The following COBLL1 variants were observed in gnomAD, a reference collection of about 807,000 sequenced individuals.
The protein encoded by COBLL1 is cordon-bleu WH2 repeat protein like 1.
In COBLL1, 50 loss-of-function variants were observed where a neutral mutation model predicts 94.8. The ratio of observed to expected loss-of-function variants is 0.53; its 90% CI spans 0.42 to 0.67. COBLL1 has a LOEUF of 0.67. Among genes scored for constraint, COBLL1 ranks in the 30% least tolerant of loss-of-function variants. COBLL1 has a pLI of 0.00. For missense variants in COBLL1, 1,362 were observed against 1,348.7 expected (o/e 1.01, Z -0.15); for synonymous variants, 448 against 473.8 (o/e 0.95, Z 0.71).
intron 2 of COBLL1, among the ~76,000 whole-genome samples, chr2:164,814,522 T>G (rs1684618771): frequency 6.6e-6 from 1 of 152,170 alleles, no homozygotes; most frequent in Admixed American, 6.5e-5. Context: ...TCAACTAAAA[T>G]TTTCCATATA....
chr2:164,816,033 A>G (rs1348232508), intron 2 of COBLL1, among the ~76,000 whole-genome samples: 3 of 152,164 alleles, frequency 2.0e-5, no homozygotes, highest in African/African-American at 7.2e-5. Flanking sequence ...GAAGTTTATA[A>G]TTTTGTGTAA....
At chr2:164,769,369 T>A (rs576171175) in intron 2 of COBLL1, among the ~76,000 whole-genome samples, 1 of 152,296 alleles carries the variant, frequency 6.6e-6, no homozygotes, top group Admixed American at 6.5e-5. Context: ...TAAACATCTA[T>A]ATTCCATGAA....
intron 3 of COBLL1, chr2:164,743,457 C>T: frequency 2.5e-6 from 1 of 400,074 alleles, no homozygotes; most frequent in Non-Finnish European, 4.5e-6. Flanking sequence ...GAAAGGGTTC[C>T]AAATTTCAAG....
At chr2:164,789,503 T>G (rs1683071032) in intron 2 of COBLL1, among the ~76,000 whole-genome samples, 1 of 152,138 alleles carries the variant, frequency 6.6e-6, no homozygotes, top group African/African-American at 2.4e-5. Flanking sequence ...GGAAGTGCAA[T>G]GTTTTTGAGG....
chr2:164,668,606 C>T (rs1439272594), intron 1 of COBLL1, among the ~76,000 whole-genome samples: 1 of 152,230 alleles, frequency 6.6e-6, no homozygotes, highest in Non-Finnish European at 1.5e-5. Context: ...AGGGTTGCCA[C>T]TAACATTCAA....
intron 3 of COBLL1, among the ~76,000 whole-genome samples, chr2:164,740,797 A>ATT (rs1686547698): frequency 6.6e-6 from 1 of 152,184 alleles, no homozygotes; most frequent in African/African-American, 2.4e-5. Context: ...TTAATCACTG[A>ATT]TTCTGGGGAG....
intron 3 of COBLL1, among the ~76,000 whole-genome samples, chr2:164,740,477 G>T (rs1247407533): frequency 1.3e-5 from 2 of 152,142 alleles, no homozygotes; most frequent in Non-Finnish European, 2.9e-5. Flanking sequence ...CTTGCTCTCT[G>T]CCTGGAGAAA....
intron 7 of COBLL1, among the ~76,000 whole-genome samples, chr2:164,711,693 T>G (rs1316675616): frequency 3.3e-5 from 5 of 152,320 alleles, no homozygotes; most frequent in African/African-American, 1.2e-4. Context: ...AAAGAACCAT[T>G]TATAACTGTC....
upstream of COBLL1, chr2:164,842,037 G>C (rs2279982): frequency 7.8e-6 from 12 of 1,534,746 alleles, no homozygotes; most frequent in African/African-American, 1.4e-5. Flanking sequence ...GGACCAGCTC[G>C]GCGGCATTGG....
intron 2 of COBLL1, among the ~76,000 whole-genome samples, chr2:164,779,059 T>C (rs1688610369): frequency 1.3e-5 from 2 of 152,132 alleles, no homozygotes; most frequent in South Asian, 4.1e-4. Flanking sequence ...ATTGGAAACA[T>C]GGTCTTTAAG....
rs545956967 is a variant in COBLL1, at chr2:164,736,577, T to C, written c.231-6462A>G. ...ATCTGGTTGTTTATCTTAGGTGTTA[T>C]ACTCAGAGCTAATTATAAATAATTA... On this transcript the variant is annotated intron_variant, in intron 3 of 13. Coordinates refer to ENST00000652658, the MANE Select transcript of COBLL1 (RefSeq NM_001365672.2). Among the ~76,000 whole-genome samples the C allele has an allele frequency of 6.6e-5, 10 of 152,300 alleles. No individual in the cohort carries two copies. The East Asian group carries it at 1.5e-3, about 23-fold the overall frequency.
In COBLL1 at chr2:164,841,495, A is replaced by G; in HGVS notation, c.-51+215T>C. On this transcript the variant is annotated intron_variant, in intron 1 of 13. Coordinates refer to ENST00000652658, the MANE Select transcript of COBLL1 (RefSeq NM_001365672.2). This position sits in a 1 kb window ranked among gnomAD's most constrained non-coding sequence, Gnocchi z 5.5. ...CTGCAGCCCCCGCCCCGTGGGGTTT[A>G]CTGGGTAGCCATTTGGCGCCTCTCG... is the stretch of plus-strand genomic sequence containing the variant. 9.0e-7 allele frequency: 1 copy of G among 1,106,254 alleles called. No individual in the cohort carries two copies. The allele number at this position is 1,106,254 out of a possible 1,614,324, so 68.5% of individuals were successfully genotyped here. A position where few individuals can be genotyped will look rare whatever the true frequency, so the allele number is the denominator to read the frequency against.
Position 164,685,991 on chromosome 2 carries a change from T to C in COBLL1, c.3342A>G (p.Ser1114=). The change falls in exon 14 of 14, where the codon TCA becomes TCG. Residue 1114 remains serine (S), a synonymous_variant. Transcript: ENST00000652658. The part of the protein sequence containing the change: ...PSNTISVNGR[S]RLSHSMSPDA... ...CAGGGGACATGGAATGGCTGAGTCTTGACCTTCCATTCACAGATATTGTAT... is the reference window on the plus strand; with the variant it reads ...CAGGGGACATGGAATGGCTGAGTCTCGACCTTCCATTCACAGATATTGTAT... 3 of 1,609,408 alleles carry C rather than the reference T, an allele frequency of 1.9e-6. No homozygotes were observed. The highest frequency in any genetic ancestry group is 2.5e-6 in the Non-Finnish European group (3 of 1,176,962).
chr2:164,711,051 C>T (rs1684873798), intron 7 of COBLL1, among the ~76,000 whole-genome samples: 1 of 152,086 alleles, frequency 6.6e-6, no homozygotes, highest in Non-Finnish European at 1.5e-5. Flanking sequence ...TACAATGATT[C>T]CCAAAGAAAT....
chr2:164,807,083 C>T (rs998311832), intron 2 of COBLL1, among the ~76,000 whole-genome samples: 3 of 152,094 alleles, frequency 2.0e-5, no homozygotes, highest in African/African-American at 7.2e-5. Flanking sequence ...CTCTGGAAAG[C>T]CATTACAACA....
At chr2:164,736,586 C>A (rs1686324149) in intron 3 of COBLL1, among the ~76,000 whole-genome samples, 1 of 152,074 alleles carries the variant, frequency 6.6e-6, no homozygotes, top group Non-Finnish European at 1.5e-5. Context: ...ATACTCAGAG[C>A]TAATTATAAA....
chr2:164,777,183 AT>A (rs56230408), intron 2 of COBLL1, among the ~76,000 whole-genome samples: 116,134 of 151,714 alleles, frequency 0.77, 45,062 homozygotes, highest in East Asian at 0.97. Flanking sequence ...TTGTAGCTTG[AT>A]TTTTTTTTTA....
intron 2 of COBLL1, among the ~76,000 whole-genome samples, chr2:164,812,343 T>C (rs975749862): frequency 2.0e-5 from 3 of 152,072 alleles, no homozygotes; most frequent in South Asian, 2.1e-4. Context: ...TGGCCTACCA[T>C]GTGTGCTAGG....
At chr2:164,663,173 C>G (rs1691098647) in intron 2 of COBLL1, among the ~76,000 whole-genome samples, 1 of 152,078 alleles carries the variant, frequency 6.6e-6, no homozygotes, top group South Asian at 2.1e-4. Context: ...CATAGGGCAA[C>G]CTGCACATTT....
Sources: gnomAD v4.1 joint callset for allele counts (sites outside exome capture counted in the v4.1 genomes callset) on GRCh38, gnomAD v4.1.1 for gene constraint, Gnocchi (gnomAD v3.1) non-coding constraint, MANE v1.5 for transcripts, NCBI Gene and HGNC (gene_info 2026-07-23, HGNC 2026-07-21) for gene names.